Variants in CNTNAP4 observed in about 807,000 individuals in gnomAD.
The protein encoded by CNTNAP4 is contactin associated protein family member 4.
CNTNAP4 carries 98 observed loss-of-function variants against 148.4 expected under a neutral mutation model. The observed-to-expected ratio is 0.66, with a 90% CI of 0.56 to 0.78. CNTNAP4 has a LOEUF of 0.78. Ranked by LOEUF, CNTNAP4 falls within the 30% of genes least tolerant of loss-of-function variation. CNTNAP4 has a pLI of 0.00. For synonymous variants in CNTNAP4, 730 were observed against 565.1 expected (o/e 1.29, Z -4.14); for missense variants, 1,935 against 1,565.6 (o/e 1.24, Z -3.98).
intron 1 of CNTNAP4, among the ~76,000 whole-genome samples, chr16:76,288,078 C>T (rs2143801058): frequency 6.6e-6 from 1 of 152,054 alleles, no homozygotes. Context: ...AGGACAGGAC[C>T]AGGTGGAGAT....
chr16:76,389,260 G>A (rs2016756189), intron 3 of CNTNAP4, among the ~76,000 whole-genome samples: 1 of 152,138 alleles, frequency 6.6e-6, no homozygotes, highest in South Asian at 2.1e-4. Flanking sequence ...TTAAGTACGT[G>A]TCCTGACTCA....
intron 13 of CNTNAP4, among the ~76,000 whole-genome samples, chr16:76,492,044 T>C (rs2082242528): frequency 6.6e-6 from 1 of 152,142 alleles, no homozygotes; most frequent in Admixed American, 6.6e-5. Flanking sequence ...TGATCCCACT[T>C]ATATATGGAA....
intron 12 of CNTNAP4, among the ~76,000 whole-genome samples, chr16:76,486,910 A>G (rs768215621): frequency 1.3e-5 from 2 of 152,186 alleles, no homozygotes; most frequent in Non-Finnish European, 2.9e-5. Flanking sequence ...AAATTGAGGT[A>G]TGAGAGATTG....
intron 3 of CNTNAP4, among the ~76,000 whole-genome samples, chr16:76,390,312 C>G (rs563609024): frequency 2.6e-5 from 4 of 152,278 alleles, no homozygotes; most frequent in Non-Finnish European, 5.9e-5. Flanking sequence ...TGTAACTTAT[C>G]TATTGTAGCT....
At chr16:76,497,699 G>T (rs541975231) in intron 14 of CNTNAP4, among the ~76,000 whole-genome samples, 20 of 151,786 alleles carry the variant, frequency 1.3e-4, no homozygotes, top group African/African-American at 4.4e-4. Context: ...GTTGGGGAGT[G>T]GGGGGATAGG....
intron 8 of CNTNAP4, among the ~76,000 whole-genome samples, chr16:76,460,633 A>G (rs1253096940): frequency 6.8e-6 from 1 of 147,302 alleles, no homozygotes; most frequent in Non-Finnish European, 1.5e-5. Context: ...CGTGGTGGCA[A>G]GCGCCTGTAG....
chr16:76,395,537 T>TA (rs1335688425), intron 3 of CNTNAP4, among the ~76,000 whole-genome samples: 1 of 151,960 alleles, frequency 6.6e-6, no homozygotes, highest in Non-Finnish European at 1.5e-5. Flanking sequence ...GTGCTGGTAT[T>TA]ACAGGCGTGA....
At chr16:76,370,110 CCTA>C (rs2014624858) in intron 3 of CNTNAP4, among the ~76,000 whole-genome samples, 1 of 152,232 alleles carries the variant, frequency 6.6e-6, no homozygotes, top group South Asian at 2.1e-4. Flanking sequence ...ATAGCTATCT[CCTA>C]CTTGTTATAC....
At chr16:76,534,816 G>A (rs867061750) in intron 17 of CNTNAP4, among the ~76,000 whole-genome samples, 11 of 152,144 alleles carry the variant, frequency 7.2e-5, no homozygotes, top group African/African-American at 2.7e-4. Flanking sequence ...AGAATAATAG[G>A]GTCTGATTCC....
In CNTNAP4 at chr16:76,462,119, C is replaced by T; in HGVS notation, c.1483+14C>T. 1.2e-6 allele frequency: 2 copies of T among 1,607,672 alleles called. No individual in the cohort carries two copies. Among genetic ancestry groups the T allele is most frequent in the Non-Finnish European group, 1.7e-6 (2 of 1,175,928 alleles). Reference sequence around the variant, plus strand: ...ATTATTTTGGAGGTAAGAATAGGTGCCAGGCTCTATGAGCAACTGAACCAT... The same window carrying T: ...ATTATTTTGGAGGTAAGAATAGGTGTCAGGCTCTATGAGCAACTGAACCAT... On this transcript the variant is annotated intron_variant, in intron 9 of 23. Transcript: ENST00000611870.
chr16:76,541,272 G>T (rs1202112260), intron 21 of CNTNAP4, among the ~76,000 whole-genome samples: 1 of 152,150 alleles, frequency 6.6e-6, no homozygotes, highest in African/African-American at 2.4e-5. Context: ...GCCCTTGGCA[G>T]CCACGCTTGC....
At chr16:76,310,084 T>TC (rs1960934862) in intron 1 of CNTNAP4, among the ~76,000 whole-genome samples, 1 of 152,162 alleles carries the variant, frequency 6.6e-6, no homozygotes, top group Non-Finnish European at 1.5e-5. Flanking sequence ...TAGTTTGGCT[T>TC]CCTGGGCTAG....
chr16:76,447,346 A>ATG, intron 4 of CNTNAP4, among the ~76,000 whole-genome samples: 1 of 100,532 alleles, frequency 9.9e-6, no homozygotes, highest in African/African-American at 2.7e-5. Context: ...ATGTATATAT[A>ATG]TATATGAAAT....
chr16:76,315,912 C>G (rs1009085398), intron 1 of CNTNAP4, among the ~76,000 whole-genome samples: 6 of 152,032 alleles, frequency 3.9e-5, no homozygotes, highest in Admixed American at 2.0e-4. Context: ...GAAGTCTGAT[C>G]GTGCCTTGTG....
intron 2 of CNTNAP4, among the ~76,000 whole-genome samples, chr16:76,354,814 C>T (rs773878114): frequency 1.4e-4 from 21 of 152,168 alleles, no homozygotes; most frequent in Admixed American, 6.5e-5. Flanking sequence ...ATCTTGAGGC[C>T]AGGAACTATT....
chr16:76,392,108 C>G (rs1325651988), intron 3 of CNTNAP4, among the ~76,000 whole-genome samples: 3 of 152,154 alleles, frequency 2.0e-5, no homozygotes, highest in African/African-American at 7.2e-5. Flanking sequence ...ATTCTCCTGC[C>G]TCAGCCTCCC....
At chr16:76,343,293 A>G (rs1421560286) in intron 2 of CNTNAP4, among the ~76,000 whole-genome samples, 1 of 152,096 alleles carries the variant, frequency 6.6e-6, no homozygotes, top group African/African-American at 2.4e-5. Flanking sequence ...GCATTGTGAG[A>G]CTTTCTTTTT....
chr16:76,361,095 T>C (rs1164821662), intron 3 of CNTNAP4, among the ~76,000 whole-genome samples: 3 of 152,122 alleles, frequency 2.0e-5, no homozygotes, highest in African/African-American at 7.2e-5. Context: ...AGTGCTGGGA[T>C]TACAGGCATG....
intron 3 of CNTNAP4, among the ~76,000 whole-genome samples, chr16:76,418,831 T>C (rs2079079088): frequency 6.6e-6 from 1 of 151,922 alleles, no homozygotes; most frequent in Admixed American, 6.6e-5. Context: ...AGGTTGTTAG[T>C]ATGAAGATTT....
Sources: allele counts gnomAD v4.1 joint callset (sites outside exome capture counted in the v4.1 genomes callset), GRCh38; gene constraint gnomAD v4.1.1; transcripts MANE v1.5; gene names NCBI Gene and HGNC (gene_info 2026-07-23, HGNC 2026-07-21).